The following MECOM variants were observed in gnomAD, a reference collection of about 807,000 sequenced individuals.
MECOM encodes the protein MDS1 and EVI1 complex locus.
MECOM carries 13 observed loss-of-function variants against 116.3 expected under a neutral mutation model. That is an observed-to-expected ratio of 0.11 (90% confidence interval 0.07 to 0.18). MECOM has a LOEUF of 0.18. MECOM is among the 10% of genes least tolerant of loss of function. The pLI, the probability that MECOM is intolerant of heterozygous loss-of-function variation, is 1.00. For synonymous variants in MECOM, 528 were observed against 535.2 expected (o/e 0.99, Z 0.19); for missense variants, 1,299 against 1,509.0 (o/e 0.86, Z 2.31).
chr3:169,491,403 A>G (rs957896541), intron 1 of MECOM, among the ~76,000 whole-genome samples: 4 of 152,290 alleles, frequency 2.6e-5, no homozygotes, highest in Admixed American at 6.5e-5. Context: ...GCAGACCAAG[A>G]CTTTTAAGTA....
intron 1 of MECOM, among the ~76,000 whole-genome samples, chr3:169,586,462 C>T (rs1765788728): frequency 6.6e-6 from 1 of 152,080 alleles, no homozygotes; most frequent in Admixed American, 6.6e-5. Flanking sequence ...CTCTGGAAAC[C>T]CTTTACCAAC....
intron 1 of MECOM, among the ~76,000 whole-genome samples, chr3:169,487,903 A>G (rs970293908): frequency 2.6e-5 from 4 of 152,190 alleles, no homozygotes; most frequent in Non-Finnish European, 5.9e-5. Flanking sequence ...GTATACTTCA[A>G]TGAAAAAATC....
chr3:169,400,667 A>G (rs1382034830), intron 1 of MECOM, among the ~76,000 whole-genome samples: 1 of 152,344 alleles, frequency 6.6e-6, no homozygotes, highest in South Asian at 2.1e-4. Flanking sequence ...AATGATCAAG[A>G]ATGTCACATT....
At chr3:169,523,665 T>C (rs1757619418) in intron 1 of MECOM, among the ~76,000 whole-genome samples, 1 of 152,072 alleles carries the variant, frequency 6.6e-6, no homozygotes, top group Non-Finnish European at 1.5e-5. Flanking sequence ...ATCTATGCAA[T>C]GTAAGAAATG....
At chr3:169,146,542 A>C (rs2149307617) in intron 2 of MECOM, 1 of 1,377,750 alleles carries the variant, frequency 7.3e-7, no homozygotes, top group South Asian at 1.1e-5. Flanking sequence ...GGAACAAGGA[A>C]ATCGCCCGGC....
At chr3:169,318,433 C>A (rs1448878199) in intron 2 of MECOM, among the ~76,000 whole-genome samples, 5 of 152,130 alleles carry the variant, frequency 3.3e-5, no homozygotes, top group African/African-American at 1.2e-4. Flanking sequence ...AAAAAACAAA[C>A]AACCCCATCA....
chr3:169,358,437 T>G (rs1727649581), intron 2 of MECOM, among the ~76,000 whole-genome samples: 1 of 151,616 alleles, frequency 6.6e-6, no homozygotes, highest in Non-Finnish European at 1.5e-5. Flanking sequence ...CTTGTGACAT[T>G]TTTGTAATCT....
chr3:169,322,658 C>G (rs1449780813), intron 2 of MECOM, among the ~76,000 whole-genome samples: 2 of 151,990 alleles, frequency 1.3e-5, no homozygotes, highest in Non-Finnish European at 2.9e-5. Flanking sequence ...CAGCAAATGC[C>G]AATGAGTACC....
chr3:169,543,782 A>G (rs1760389071), intron 1 of MECOM, among the ~76,000 whole-genome samples: 1 of 152,170 alleles, frequency 6.6e-6, no homozygotes, highest in South Asian at 2.1e-4. Context: ...ATTAATCAGT[A>G]TCTGTACATT....
chr3:169,455,741 A>G (rs1202596274), intron 1 of MECOM, among the ~76,000 whole-genome samples: 1 of 152,214 alleles, frequency 6.6e-6, no homozygotes, highest in Non-Finnish European at 1.5e-5. Flanking sequence ...CTCAATGCAC[A>G]GCCCCTTCCA....
At chr3:169,296,235 G>A (rs1715575478) in intron 2 of MECOM, among the ~76,000 whole-genome samples, 2 of 152,134 alleles carry the variant, frequency 1.3e-5, no homozygotes, top group African/African-American at 4.8e-5. Flanking sequence ...TCACAACAAT[G>A]ATCTTAGGTT....
Position 169,485,985 on chromosome 3 carries a change from GTATATATATGTATATATATACTATA to G in MECOM, c.38-104486_38-104462del, listed in dbSNP as rs1752264207. 7.5e-5 allele frequency among the ~76,000 whole-genome samples: 4 copies of G among 53,260 alleles called. No individual in the cohort carries two copies. The South Asian group carries it at 2.5e-3, about 33-fold the overall frequency. 34.9% of individuals were successfully genotyped at this position (53,260 alleles called of 152,430 possible). On this transcript the variant is annotated intron_variant, in intron 1 of 16. Transcript: ENST00000651503. The stretch of plus-strand genomic sequence containing the variant: ...TATACTATATATACATATATATATA[GTATATATATGTATATATATACTATA>G]TATATATGTATATATAGTATATATA...
chr3:169,344,695 C>A (rs1005688674), intron 2 of MECOM, among the ~76,000 whole-genome samples: 2 of 152,160 alleles, frequency 1.3e-5, no homozygotes, highest in Non-Finnish European at 2.9e-5. Flanking sequence ...TCAGCATAAT[C>A]TATGAGTTTA....
intron 1 of MECOM, among the ~76,000 whole-genome samples, chr3:169,499,882 T>C (rs1156481112): frequency 1.3e-5 from 2 of 151,986 alleles, no homozygotes; most frequent in African/African-American, 4.8e-5. Context: ...GGGTAACCAA[T>C]AGAGGAAAAG....
chr3:169,131,847 T>C (rs1236321888), intron 3 of MECOM: 14 of 908,798 alleles, frequency 1.5e-5, no homozygotes, highest in Non-Finnish European at 1.9e-5. Flanking sequence ...GAACTTTCCC[T>C]TCTCTGAATC....
chr3:169,270,711 G>C (rs541517749), intron 2 of MECOM, among the ~76,000 whole-genome samples: 2 of 152,018 alleles, frequency 1.3e-5, no homozygotes, highest in Non-Finnish European at 2.9e-5. Context: ...AAATTTAATC[G>C]TATAAATTTA....
At chr3:169,412,361 TG>T (rs1210940787) in intron 1 of MECOM, among the ~76,000 whole-genome samples, 1 of 151,910 alleles carries the variant, frequency 6.6e-6, no homozygotes, top group Non-Finnish European at 1.5e-5. Context: ...TAAATTTATT[TG>T]GGTTATTTTT....
intron 1 of MECOM, among the ~76,000 whole-genome samples, chr3:169,657,264 G>T (rs1029140128): frequency 2.6e-5 from 4 of 152,312 alleles, no homozygotes; most frequent in African/African-American, 9.6e-5. Flanking sequence ...GAACTTAGTT[G>T]GGGTTTTTAT....
At chr3:169,210,406 C>T (rs1750560056) in intron 2 of MECOM, among the ~76,000 whole-genome samples, 1 of 152,074 alleles carries the variant, frequency 6.6e-6, no homozygotes, top group South Asian at 2.1e-4. Flanking sequence ...AAACATATTT[C>T]TGAAAACACG....
Sources: allele counts gnomAD v4.1 joint callset (sites outside exome capture counted in the v4.1 genomes callset), GRCh38; gene constraint gnomAD v4.1.1; transcripts MANE v1.5; gene names NCBI Gene and HGNC (gene_info 2026-07-23, HGNC 2026-07-21).